The following CHI3L2 variants were observed in gnomAD, a reference collection of about 807,000 sequenced individuals.
The protein encoded by CHI3L2 is chitinase-3-like protein 2.
A neutral mutation model predicts 47.3 loss-of-function variants in CHI3L2; 47 were observed. The ratio of observed to expected loss-of-function variants is 0.99; its 90% CI spans 0.79 to 1.27. The LOEUF (loss-of-function observed/expected upper bound fraction) is 1.27, where lower values mean the gene tolerates loss of function less well. CHI3L2 is among the 50% of genes most tolerant of loss of function. The pLI, the probability that CHI3L2 is intolerant of heterozygous loss-of-function variation, is 0.00. For missense variants in CHI3L2, 497 were observed against 462.1 expected, an observed-to-expected ratio of 1.08 and a Z score of -0.69; for synonymous variants, 198 against 169.9, an observed-to-expected ratio of 1.17 and a Z score of -1.28.
At chr1:111,241,170 A>G (rs909524755) in intron 8 of CHI3L2, among the ~76,000 whole-genome samples, 157 bp from the exon 9 acceptor site, 2 of 152,198 alleles carry the variant, frequency 1.3e-5, no homozygotes, top group Non-Finnish European at 2.9e-5. Context: ...CACCCACTTC[A>G]TATGATATAT....
In CHI3L2 at chr1:111,235,736, A is replaced by G; in HGVS notation, c.578A>G (p.Asn193Ser). The change falls in exon 6 of 11, where the codon AAC (asparagine) becomes AGC (serine). Residue 193 changes from asparagine (N) to serine (S), a missense_variant. Physicochemically the swap from Asn to Ser is conservative, Grantham distance 46. Coordinates refer to ENST00000369748, the MANE Select transcript of CHI3L2 (RefSeq NM_004000.3). ...GVSAGRQMID[N>S]SYQVEKLAKD... ...TCTGCAGGGAGGCAAATGATTGATA[A>G]CAGCTATCAAGTTGAGAAACTGGCA... The G allele has an allele frequency of 1.9e-6, 3 of 1,614,052 alleles. No individual in the cohort carries two copies. The highest frequency in any genetic ancestry group is 2.5e-6 in the Non-Finnish European group (3 of 1,179,942).
intron 4 of CHI3L2, among the ~76,000 whole-genome samples, chr1:111,233,555 C>T (rs908366936): frequency 2.0e-5 from 3 of 152,062 alleles, no homozygotes; most frequent in Middle Eastern, 3.4e-3. Flanking sequence ...AGCTGGCATC[C>T]AGGAGGGAGG....
At position 111,227,773 on chromosome 1, in the gene CHI3L2, A is replaced by G; in HGVS notation, c.40+4A>G. The G allele has an allele frequency of 1.2e-6, 2 of 1,614,076 alleles. No homozygotes were observed. The highest frequency in any genetic ancestry group is 1.1e-5 in the South Asian group (1 of 91,078). ...GACCAGAAGTCTCTCTGGGCAGGTG[A>G]GCATGGGGTTGATAATTCAGCAGGA... On this transcript the variant is annotated splice_donor_region_variant and intron_variant, in intron 1 of 10. Transcript: ENST00000369748.
chr1:111,236,817 TC>T (rs1286163874), intron 7 of CHI3L2, among the ~76,000 whole-genome samples: 1 of 152,218 alleles, frequency 6.6e-6, no homozygotes, highest in African/African-American at 2.4e-5. Context: ...TTATTATTAC[TC>T]AAATCAGTTT....
chr1:111,231,485 C>T, intron 4 of CHI3L2, 191 bp downstream of exon 4: 3 of 547,558 alleles, frequency 5.5e-6, no homozygotes, highest in Non-Finnish European at 9.7e-6. Context: ...TGAAGGAATT[C>T]TTCTGGAGCT....
At chr1:111,231,327 C>G in intron 4 of CHI3L2, 33 bp downstream of exon 4, 5 of 1,488,886 alleles carry the variant, frequency 3.4e-6, no homozygotes, top group Non-Finnish European at 3.7e-6. Context: ...TGTTCATTTC[C>G]CCATGTAATT....
intron 9 of CHI3L2, 113 bp from the exon 10 acceptor site, chr1:111,242,114 C>A: frequency 7.4e-7 from 1 of 1,358,308 alleles, no homozygotes; most frequent in Non-Finnish European, 1.0e-6. Context: ...TCCAGAAAAC[C>A]AGTTAGTCTA....
At chr1:111,243,113 A>G (rs1660111103) in intron 10 of CHI3L2, 104 bp from the exon 11 acceptor site, 1 of 454,648 alleles carries the variant, frequency 2.2e-6, no homozygotes, top group South Asian at 1.6e-5. Flanking sequence ...TGATTAGATA[A>G]TTGGGTAGCA....
At chr1:111,232,339 A>G (rs1352909196) in intron 4 of CHI3L2, among the ~76,000 whole-genome samples, 1 of 148,816 alleles carries the variant, frequency 6.7e-6, no homozygotes, top group Admixed American at 6.7e-5. Flanking sequence ...TCATTTATTC[A>G]TTCATTCTTG....
chr1:111,236,512 C>A lies in CHI3L2; in HGVS notation c.735+359C>A, dbSNP rs1659892106. ...GTCCATCTATATTCCCTATTTAATT[C>A]TATCTTTAAAAAAACCCCATGAGGT... On this transcript the variant is annotated intron_variant, in intron 7 of 10. Coordinates refer to ENST00000369748, the MANE Select transcript of CHI3L2 (RefSeq NM_004000.3). 1.3e-5 allele frequency among the ~76,000 whole-genome samples: 2 copies of A among 152,126 alleles called. 1 individual carries two copies. The highest frequency in any genetic ancestry group is 4.1e-4 in the South Asian group (2 of 4,826).
At chr1:111,233,627 C>T (rs2101548619) in intron 4 of CHI3L2, among the ~76,000 whole-genome samples, 1 of 152,138 alleles carries the variant, frequency 6.6e-6, no homozygotes, top group Non-Finnish European at 1.5e-5. Context: ...GGCGCCTCTG[C>T]CCGGCCGCCC....
chr1:111,240,117 A>G (rs1186751606), intron 8 of CHI3L2, among the ~76,000 whole-genome samples: 1 of 149,084 alleles, frequency 6.7e-6, no homozygotes, highest in African/African-American at 2.4e-5. Flanking sequence ...ATTAGTAGAA[A>G]TTTGATCAGG....
chr1:111,241,360 C>T lies in CHI3L2; in HGVS notation c.952C>T (p.Arg318Trp), dbSNP rs13721. 0.14 allele frequency: 222,916 copies of T among 1,596,686 alleles called. 17,974 individuals carry two copies. Among genetic ancestry groups the T allele is most frequent in the Admixed American group, 0.29 (17,220 of 59,974 alleles). The change falls in exon 9 of 11, where the codon CGG becomes TGG. Residue 318 changes from arginine (R) to tryptophan (W), a missense_variant. Coordinates refer to ENST00000369748, the MANE Select transcript of CHI3L2 (RefSeq NM_004000.3). ...GTTCCTGAAAGGAGCCAAGATCACG[C>T]GGCTCCAGGATCAGCAGGTTCCCTA... ...CQFLKGAKIT[R>W]LQDQQVPYAV...
chr1:111,227,702 T>G (rs780659749), upstream of CHI3L2: 1 of 1,613,382 alleles, frequency 6.2e-7, no homozygotes, highest in Middle Eastern at 1.7e-4. Context: ...CTAGAGAATG[T>G]GTATCCCAGA....
At chr1:111,242,607 G>T (rs1470567151) in intron 10 of CHI3L2, 2 of 339,610 alleles carry the variant, frequency 5.9e-6, no homozygotes, top group Non-Finnish European at 5.3e-6. Context: ...CATAGTATGA[G>T]CTAAAGACTT....
At chr1:111,227,685 A>G, upstream of CHI3L2, 1 of 1,604,420 alleles carries the variant, frequency 6.2e-7, no homozygotes, top group Non-Finnish European at 8.5e-7. Flanking sequence ...CTCAGTGGAT[A>G]AAAGACCTAG....
chr1:111,230,676 T>C (rs1453289172), intron 2 of CHI3L2, 66 bp from the exon 3 acceptor site: 18 of 1,344,918 alleles, frequency 1.3e-5, no homozygotes, highest in Middle Eastern at 3.8e-4. Flanking sequence ...GGGGAGAAAA[T>C]TGTGACTTTC....
intron 4 of CHI3L2, among the ~76,000 whole-genome samples, chr1:111,232,589 G>A (rs1243449875): frequency 3.9e-5 from 6 of 152,148 alleles, no homozygotes; most frequent in South Asian, 2.1e-4. Context: ...GGCAGGCAAC[G>A]CAAGCAAACT....
At chr1:111,238,143 T>C (rs921742568) in intron 7 of CHI3L2, among the ~76,000 whole-genome samples, 1 of 152,258 alleles carries the variant, frequency 6.6e-6, no homozygotes, top group Non-Finnish European at 1.5e-5. Flanking sequence ...ATGTACATCT[T>C]ACATGTACTG....
Sources: gnomAD v4.1 joint callset for allele counts (sites outside exome capture counted in the v4.1 genomes callset) on GRCh38, gnomAD v4.1.1 for gene constraint, MANE v1.5 for transcripts, NCBI Gene and HGNC (gene_info 2026-07-23, HGNC 2026-07-21) for gene names.